C13orf42: variants seen among roughly 807,000 people sequenced by gnomAD.
The protein encoded by C13orf42 is chromosome 13 open reading frame 42, also known as uncharacterized protein C13orf42.
At chr13:51,147,291 G>C (rs7323062) in intron 1 of C13orf42, among the ~76,000 whole-genome samples, 2 of 151,994 alleles carry the variant, frequency 1.3e-5, no homozygotes, top group Admixed American at 6.5e-5. Context: ...TCCTGCTATA[G>C]GACAAATCCC....
At chr13:51,114,291 T>C (rs987276193), upstream of C13orf42, among the ~76,000 whole-genome samples, 13 of 152,224 alleles carry the variant, frequency 8.5e-5, no homozygotes, top group African/African-American at 3.1e-4. Flanking sequence ...CTCTGAACTC[T>C]GGATCTCTCA....
intron 3 of C13orf42, among the ~76,000 whole-genome samples, chr13:51,084,754 C>T (rs982167596): frequency 3.3e-5 from 5 of 152,212 alleles, no homozygotes; most frequent in East Asian, 1.9e-4. Context: ...CTGCTCTGAG[C>T]GAGTGGATAA....
chr13:51,156,900 G>A (rs1027014365), intron 1 of C13orf42, among the ~76,000 whole-genome samples: 1 of 152,210 alleles, frequency 6.6e-6, no homozygotes, highest in Admixed American at 6.5e-5. Context: ...TTGTTACCCA[G>A]TGCCATAGGT....
intron 1 of C13orf42, among the ~76,000 whole-genome samples, chr13:51,140,621 G>A (rs1168861453): frequency 5.9e-5 from 9 of 152,124 alleles, no homozygotes; most frequent in Admixed American, 5.9e-4. Flanking sequence ...CCAAAATTAG[G>A]TTGAGATCTA....
upstream of C13orf42, among the ~76,000 whole-genome samples, chr13:51,113,790 G>T (rs1345770455): frequency 6.6e-6 from 1 of 152,078 alleles, no homozygotes; most frequent in Non-Finnish European, 1.5e-5. Flanking sequence ...GTCCCCCCAG[G>T]CTTGACTCTT....
chr13:51,171,480 C>T (rs1397968298), intron 1 of C13orf42, among the ~76,000 whole-genome samples: 1 of 151,952 alleles, frequency 6.6e-6, no homozygotes, highest in Non-Finnish European at 1.5e-5. Flanking sequence ...CAACCCCAAG[C>T]GTCGCTGAGT....
At chr13:51,106,799 C>G (rs367621100) in intron 1 of C13orf42, among the ~76,000 whole-genome samples, 2 of 152,286 alleles carry the variant, frequency 1.3e-5, no homozygotes, top group Non-Finnish European at 1.5e-5. Context: ...TTCAAACATG[C>G]CATCCTTCTG....
chr13:51,132,007 G>A (rs1953620824), intron 1 of C13orf42, among the ~76,000 whole-genome samples: 1 of 152,172 alleles, frequency 6.6e-6, no homozygotes, highest in African/African-American at 2.4e-5. Context: ...GCATGTATTG[G>A]AATCATCTAG....
chr13:51,169,120 AAAC>A (rs1953925311), intron 1 of C13orf42, among the ~76,000 whole-genome samples: 1 of 152,224 alleles, frequency 6.6e-6, no homozygotes, highest in Non-Finnish European at 1.5e-5. Context: ...GCAAATGTGG[AAAC>A]AACATTGGAA....
intron 1 of C13orf42, among the ~76,000 whole-genome samples, chr13:51,117,774 A>C (rs891859396): frequency 6.6e-6 from 1 of 152,142 alleles, no homozygotes; most frequent in Non-Finnish European, 1.5e-5. Flanking sequence ...TAACTGAAAT[A>C]GGAATATACA....
At chr13:51,145,960 C>T (rs1953731671) in intron 1 of C13orf42, among the ~76,000 whole-genome samples, 1 of 152,104 alleles carries the variant, frequency 6.6e-6, no homozygotes, top group Non-Finnish European at 1.5e-5. Flanking sequence ...TCAACCTTGG[C>T]AAAATAAACT....
intron 1 of C13orf42, among the ~76,000 whole-genome samples, chr13:51,147,321 A>G (rs932228234): frequency 1.3e-5 from 2 of 152,170 alleles, no homozygotes; most frequent in Non-Finnish European, 2.9e-5. Flanking sequence ...CCTGTGGCCT[A>G]GCTCCCTCCG....
chr13:51,098,047 T>C lies in C13orf42; in HGVS notation c.415-9972A>G, dbSNP rs189784848. On this transcript the variant is annotated intron_variant, in intron 1 of 3. Coordinates refer to ENST00000563710, the MANE Select transcript of C13orf42 (RefSeq NM_001351589.3). ...TGAGCCTCGGATTACTTTTCTCAGATGGAATCCTTTGCACTTTCCAAACAA... is the reference window on the plus strand; with the variant it reads ...TGAGCCTCGGATTACTTTTCTCAGACGGAATCCTTTGCACTTTCCAAACAA... Among the ~76,000 whole-genome samples the C allele has an allele frequency of 1.8e-3, 269 of 152,330 alleles. 1 individual carries two copies. Among genetic ancestry groups the C allele is most frequent in the African/African-American group, 6.3e-3 (263 of 41,578 alleles).
intron 1 of C13orf42, among the ~76,000 whole-genome samples, chr13:51,092,054 T>G (rs1233843710): frequency 1.3e-5 from 2 of 152,180 alleles, no homozygotes; most frequent in Non-Finnish European, 2.9e-5. Flanking sequence ...AGGGGCGCAC[T>G]TTCCCATTCT....
chr13:51,113,014 G>A (rs1953450337), upstream of C13orf42, among the ~76,000 whole-genome samples: 1 of 152,192 alleles, frequency 6.6e-6, no homozygotes, highest in Admixed American at 6.5e-5. Context: ...TGACTACACA[G>A]CCTTTCTCAG....
intron 1 of C13orf42, among the ~76,000 whole-genome samples, chr13:51,156,413 C>G (rs139447113): frequency 1.3e-5 from 2 of 152,162 alleles, no homozygotes; most frequent in Non-Finnish European, 1.5e-5. Context: ...GCTGCCACTA[C>G]GCCCTTTCCT....
chr13:51,154,928 A>G (rs919054562), intron 1 of C13orf42, among the ~76,000 whole-genome samples: 45 of 152,330 alleles, frequency 3.0e-4, no homozygotes, highest in African/African-American at 1.1e-3. Flanking sequence ...CCTGCTTTTA[A>G]GGGGCCGGTA....
chr13:51,156,674 T>A (rs974290292), intron 1 of C13orf42, among the ~76,000 whole-genome samples: 5 of 152,200 alleles, frequency 3.3e-5, no homozygotes, highest in Admixed American at 6.5e-5. Flanking sequence ...TAAAGACTAG[T>A]GGAAAAAATC....
At chr13:51,151,375 G>GA (rs67940203) in intron 1 of C13orf42, among the ~76,000 whole-genome samples, 69,949 of 148,588 alleles carry the variant, frequency 0.47, 16,521 homozygotes, top group East Asian at 0.61. Flanking sequence ...GCTGGAAAAG[G>GA]AAAAAAAAAA....
Sources: allele counts gnomAD v4.1 joint callset (sites outside exome capture counted in the v4.1 genomes callset), GRCh38; gene constraint gnomAD v4.1.1; transcripts MANE v1.5; gene names NCBI Gene and HGNC (gene_info 2026-07-23, HGNC 2026-07-21).